KCNN2: variants seen among roughly 807,000 people sequenced by gnomAD.
KCNN2 encodes the protein potassium calcium-activated channel subfamily N member 2.
In KCNN2, 24 loss-of-function variants were observed where a neutral mutation model predicts 55.5. The ratio of observed to expected loss-of-function variants is 0.43; its 90% CI spans 0.31 to 0.61. KCNN2 has a LOEUF of 0.61. KCNN2 is among the 20% of genes least tolerant of loss of function. The pLI is 0.08. For missense variants in KCNN2, 754 were observed against 853.6 expected, an observed-to-expected ratio of 0.88 and a Z score of 1.45; for synonymous variants, 431 against 336.1, an observed-to-expected ratio of 1.28 and a Z score of -3.09.
chr5:114,294,326 A>G (rs1755962584), intron 2 of KCNN2, among the ~76,000 whole-genome samples: 1 of 152,000 alleles, frequency 6.6e-6, no homozygotes, highest in Non-Finnish European at 1.5e-5. Flanking sequence ...TCTTGTGGGC[A>G]TTTAGTGCTA....
chr5:114,196,058 C>T (rs1580609153), intron 1 of KCNN2, among the ~76,000 whole-genome samples: 1 of 151,880 alleles, frequency 6.6e-6, no homozygotes, highest in East Asian at 1.9e-4. Flanking sequence ...TATTCTTTCC[C>T]AATTCAATTG....
In KCNN2 at chr5:114,404,644, C is replaced by T; in HGVS notation, c.1425C>T (p.Phe475=). 6.2e-7 allele frequency: 1 copy of T among 1,613,946 alleles called. No homozygotes were observed. Among genetic ancestry groups the T allele is most frequent in the Non-Finnish European group, 8.5e-7 (1 of 1,179,874 alleles). Residue 475 remains phenylalanine (F), a synonymous_variant, in exon 3 of 8, where the codon TTC becomes TTT. Coordinates refer to ENST00000673685, the MANE Select transcript of KCNN2 (RefSeq NM_021614.4). ...DVDIILSIPM[F]LRLYLIARVM... is the part of the protein sequence containing the mutation. ...ATATTATTTTATCTATACCAATGTT[C>T]TTAAGACTCTATCTGATTGCCAGAG...
At chr5:114,341,817 G>A (rs1275104895) in intron 2 of KCNN2, among the ~76,000 whole-genome samples, 11 of 151,744 alleles carry the variant, frequency 7.2e-5, no homozygotes, top group Non-Finnish European at 1.6e-4. Context: ...AAGAACTTTT[G>A]GTCTTTCCAG....
At chr5:114,462,422 A>T (rs1761252150) in intron 3 of KCNN2, among the ~76,000 whole-genome samples, 1 of 152,194 alleles carries the variant, frequency 6.6e-6, no homozygotes, top group Non-Finnish European at 1.5e-5. Flanking sequence ...CTCTGTGATC[A>T]GAGGTACAGT....
chr5:114,183,371 C>A (rs1375721820), intron 1 of KCNN2, among the ~76,000 whole-genome samples: 1 of 152,020 alleles, frequency 6.6e-6, no homozygotes, highest in Non-Finnish European at 1.5e-5. Context: ...CCTTCATAAA[C>A]TGTTTGGAAA....
At chr5:114,483,266 T>C (rs1345303920) in intron 5 of KCNN2, among the ~76,000 whole-genome samples, 1 of 121,128 alleles carries the variant, frequency 8.3e-6, no homozygotes, top group Non-Finnish European at 1.6e-5. Flanking sequence ...GTAGTGTTTC[T>C]TTCTTTCTTT....
chr5:114,193,021 C>T (rs1475986583), intron 1 of KCNN2, among the ~76,000 whole-genome samples: 1 of 152,120 alleles, frequency 6.6e-6, no homozygotes, highest in Non-Finnish European at 1.5e-5. Flanking sequence ...CACAAAAAGG[C>T]TACAAATTTA....
chr5:114,434,252 A>C (rs1052786987), intron 3 of KCNN2, among the ~76,000 whole-genome samples: 6 of 151,728 alleles, frequency 4.0e-5, no homozygotes, highest in Non-Finnish European at 8.8e-5. Flanking sequence ...TTCGCTATAA[A>C]CAGTCTACTA....
intron 3 of KCNN2, among the ~76,000 whole-genome samples, chr5:114,411,676 G>GCAGGAGAGAGAGAGAGGGGC (rs1759139891): frequency 6.6e-6 from 1 of 152,128 alleles, no homozygotes. Flanking sequence ...GAGAGAGGGG[G>GCAGGAGAGAGAGAGAGGGGC]CGGGAGAGAG....
chr5:114,106,641 T>TTTTTTTTTTTTTTTTTTTTTTTTTC (rs1751488799), intron 1 of KCNN2, among the ~76,000 whole-genome samples: 1 of 134,758 alleles, frequency 7.4e-6, no homozygotes, highest in Admixed American at 7.5e-5. Context: ...GATTTTCCAG[T>TTTTTTTTTTTTTTTTTTTTTTTTTC]TGTTTTTTTT....
chr5:114,481,598 G>T (rs1012357015), intron 5 of KCNN2, among the ~76,000 whole-genome samples: 1 of 152,064 alleles, frequency 6.6e-6, no homozygotes, highest in Non-Finnish European at 1.5e-5. Context: ...ACAATCCTAA[G>T]CAAAAAGAAC....
intron 1 of KCNN2, among the ~76,000 whole-genome samples, chr5:114,065,846 G>GTTTTTTTTTTT (rs56127808): frequency 6.6e-5 from 3 of 45,196 alleles, no homozygotes; most frequent in African/African-American, 2.6e-4. Flanking sequence ...TCCTATGCAG[G>GTTTTTTTTTTT]TTTTTTTTTT....
At position 114,276,068 on chromosome 5, in the gene KCNN2, G is replaced by A. The variant is rs186084105; in HGVS notation, c.-185+54503G>A. Among the ~76,000 whole-genome samples, 636 of 152,190 alleles carry A rather than the reference G, an allele frequency of 4.2e-3. 2 individuals carry two copies. The highest frequency in any genetic ancestry group is 0.02 in the Middle Eastern group (6 of 294). ...GGTTTCAAAGAACATCTTTATTTCT[G>A]CCTTCATTTCGTTATGTATCCAGTA... On this transcript the variant is annotated intron_variant, in intron 2 of 10. Coordinates refer to the KCNN2 transcript ENST00000512097.
At chr5:114,374,795 T>C (rs1371336057) in intron 2 of KCNN2, among the ~76,000 whole-genome samples, 2 of 152,210 alleles carry the variant, frequency 1.3e-5, no homozygotes, top group Non-Finnish European at 2.9e-5. Flanking sequence ...TTCTAACAAC[T>C]GATATTCTAC....
intron 2 of KCNN2, among the ~76,000 whole-genome samples, chr5:114,232,218 G>A (rs1754377340): frequency 6.6e-6 from 1 of 150,724 alleles, no homozygotes; most frequent in African/African-American, 2.5e-5. Context: ...ATTGAATAGA[G>A]GATTAATGGT....
chr5:114,439,746 T>TA, intron 3 of KCNN2, among the ~76,000 whole-genome samples: 1 of 152,184 alleles, frequency 6.6e-6, no homozygotes, highest in Non-Finnish European at 1.5e-5. Context: ...AGACTAAATA[T>TA]AAAATCTCCC....
intron 5 of KCNN2, among the ~76,000 whole-genome samples, chr5:114,476,800 G>A (rs1761989067): frequency 6.6e-6 from 1 of 152,012 alleles, no homozygotes; most frequent in East Asian, 1.9e-4. Context: ...AAAACAGATT[G>A]CTGGTTTATA....
At chr5:114,374,569 C>T (rs56202232) in intron 2 of KCNN2, among the ~76,000 whole-genome samples, 6,566 of 152,148 alleles carry the variant, frequency 0.043, 492 homozygotes, top group African/African-American at 0.15. Flanking sequence ...AGTAACATCT[C>T]GAAATATTCT....
At chr5:114,096,419 A>T (rs747439496) in intron 1 of KCNN2, among the ~76,000 whole-genome samples, 9 of 152,178 alleles carry the variant, frequency 5.9e-5, no homozygotes, top group Non-Finnish European at 1.0e-4. Context: ...GTTCTATTAC[A>T]TAATACAATT....
Sources: allele counts gnomAD v4.1 joint callset (sites outside exome capture counted in the v4.1 genomes callset), GRCh38; gene constraint gnomAD v4.1.1; transcripts MANE v1.5; gene names NCBI Gene and HGNC (gene_info 2026-07-23, HGNC 2026-07-21).